Variants in PPP2R5A observed in about 807,000 individuals in gnomAD.
PPP2R5A encodes the protein protein phosphatase 2 regulatory subunit B'alpha.
In PPP2R5A, 25 loss-of-function variants were observed where a neutral mutation model predicts 64.2. The ratio of observed to expected loss-of-function variants is 0.39; its 90% CI spans 0.28 to 0.54. The LOEUF is 0.54. Ranked by LOEUF, PPP2R5A falls within the 20% of genes least tolerant of loss-of-function variation. PPP2R5A has a pLI of 0.67. For synonymous variants in PPP2R5A, 198 were observed against 201.2 expected, an observed-to-expected ratio of 0.98 and a Z score of 0.13; for missense variants, 425 against 576.3, an observed-to-expected ratio of 0.74 and a Z score of 2.69.
At chr1:212,325,173 G>A (rs2102430316) in intron 1 of PPP2R5A, among the ~76,000 whole-genome samples, 2 of 152,268 alleles carry the variant, frequency 1.3e-5, no homozygotes, top group African/African-American at 4.8e-5. Context: ...GGTGGTTGAT[G>A]AAAGAAACAT....
chr1:212,345,990 T>G (rs1214999493), intron 5 of PPP2R5A, 57 bp downstream of exon 5: 1 of 1,482,728 alleles, frequency 6.7e-7, no homozygotes, highest in Non-Finnish European at 9.1e-7. Context: ...CTTCTTGTAT[T>G]CAAGTTCTTT....
intron 6 of PPP2R5A, 45 bp from the exon 7 acceptor site, chr1:212,348,344 A>T: frequency 8.0e-7 from 1 of 1,245,266 alleles, no homozygotes; most frequent in Non-Finnish European, 1.2e-6. Context: ...TTTAGAAACA[A>T]AGTAGTAACT....
chr1:212,295,076 G>A (rs1178734888), intron 1 of PPP2R5A, among the ~76,000 whole-genome samples: 2 of 152,090 alleles, frequency 1.3e-5, no homozygotes, highest in Admixed American at 1.3e-4. Flanking sequence ...CAGCATTTAG[G>A]GTCTAGTGCG....
In PPP2R5A at chr1:212,357,526, G is replaced by A. The variant is rs369564644; in HGVS notation, c.1226+242G>A. 10 of 257,676 alleles carry A rather than the reference G, an allele frequency of 3.9e-5. 1 individual carries two copies. In the South Asian group the frequency reaches 9.3e-4, roughly 24 times the overall value. 16.0% of individuals were successfully genotyped at this position (257,676 alleles called of 1,614,324 possible). A position where few individuals can be genotyped will look rare whatever the true frequency, so the allele number is the denominator to read the frequency against. On this transcript the variant is annotated intron_variant, in intron 11 of 12. Transcript: ENST00000261461. ...TTTTAAAATTTTTTTAGAGACAGCC[G>A]GGCGCGGTGGCTCACGCCTGTAATC...
intron 1 of PPP2R5A, among the ~76,000 whole-genome samples, chr1:212,291,641 C>T (rs958759041): frequency 4.6e-5 from 7 of 152,192 alleles, no homozygotes; most frequent in African/African-American, 1.7e-4. Context: ...ATTAACATTT[C>T]CTGCCCTGGC....
At chr1:212,290,182 G>C (rs1273562425) in intron 1 of PPP2R5A, among the ~76,000 whole-genome samples, 1 of 152,160 alleles carries the variant, frequency 6.6e-6, no homozygotes, top group Non-Finnish European at 1.5e-5. Flanking sequence ...CAGTAATAGT[G>C]GTGTTGATTG....
At chr1:212,351,952 ATT>A (rs898548766) in intron 8 of PPP2R5A, among the ~76,000 whole-genome samples, 14 of 147,816 alleles carry the variant, frequency 9.5e-5, no homozygotes, top group Admixed American at 9.4e-4. Flanking sequence ...CCCCAAAATA[ATT>A]TTTTTATTTT....
intron 2 of PPP2R5A, among the ~76,000 whole-genome samples, chr1:212,331,945 G>T (rs999052197): frequency 6.6e-6 from 1 of 152,138 alleles, no homozygotes; most frequent in Non-Finnish European, 1.5e-5. Flanking sequence ...TACCAATTTA[G>T]ACTCTTGAAG....
At chr1:212,311,622 C>G (rs1659035914) in intron 1 of PPP2R5A, among the ~76,000 whole-genome samples, 1 of 151,896 alleles carries the variant, frequency 6.6e-6, no homozygotes, top group African/African-American at 2.4e-5. Flanking sequence ...AGCTGTAAAG[C>G]AGCCTCAGGC....
chr1:212,351,801 A>G (rs1437998110), intron 8 of PPP2R5A, among the ~76,000 whole-genome samples: 4 of 152,140 alleles, frequency 2.6e-5, no homozygotes, highest in African/African-American at 7.2e-5. Flanking sequence ...TAAAGAGGAA[A>G]AAAATGAAGA....
intron 1 of PPP2R5A, among the ~76,000 whole-genome samples, chr1:212,307,678 C>T (rs1311011233): frequency 6.6e-6 from 1 of 152,080 alleles, no homozygotes; most frequent in Non-Finnish European, 1.5e-5. Flanking sequence ...ACATAATTAT[C>T]TTTACTGGTG....
chr1:212,329,435 T>C (rs1452729892), intron 2 of PPP2R5A, 104 bp downstream of exon 2: 4 of 1,012,288 alleles, frequency 4.0e-6, no homozygotes, highest in Non-Finnish European at 4.1e-6. Context: ...AATTAATACA[T>C]CCCCCAAATT....
At chr1:212,287,882 T>C (rs1200573611) in intron 1 of PPP2R5A, among the ~76,000 whole-genome samples, 1 of 152,182 alleles carries the variant, frequency 6.6e-6, no homozygotes. Flanking sequence ...TTCATAGTTA[T>C]TTAATTTGCT....
intron 8 of PPP2R5A, 104 bp from the exon 9 acceptor site, chr1:212,356,518 TATTG>T: frequency 1.6e-5 from 16 of 1,014,884 alleles, no homozygotes; most frequent in Non-Finnish European, 2.3e-5. Context: ...TATTAAGCAA[TATTG>T]ATTTACTTCA....
At chr1:212,348,583 C>A in intron 7 of PPP2R5A, 86 bp downstream of exon 7, 1 of 984,886 alleles carries the variant, frequency 1.0e-6, no homozygotes, top group Non-Finnish European at 1.5e-6. Context: ...ACTGAGATGA[C>A]AGTTTTAAGT....
intron 1 of PPP2R5A, among the ~76,000 whole-genome samples, chr1:212,321,105 G>C (rs1404670215): frequency 1.5e-5 from 2 of 134,018 alleles, no homozygotes; most frequent in African/African-American, 2.9e-5. Context: ...GCGGCTGGCC[G>C]GGCAGAGGGG....
In PPP2R5A at chr1:212,360,764, C is replaced by G; in HGVS notation, c.1455C>G (p.Ala485=). The part of the protein sequence containing the change: ...NMHSILSNTS[A]E The stretch of plus-strand genomic sequence containing the variant: ...ACAGTATTCTCAGCAATACAAGTGC[C>G]GAATAAAAAAAAAGCCTCCCACCTC... Residue 485 remains alanine (A), a synonymous_variant, in exon 13 of 13, where the codon GCC becomes GCG. Transcript: ENST00000261461. 1 of 1,500,118 alleles carries G rather than the reference C, an allele frequency of 6.7e-7. No homozygotes were observed. The highest frequency in any genetic ancestry group is 8.8e-7 in the Non-Finnish European group (1 of 1,130,256). 92.9% of individuals were successfully genotyped at this position (1,500,118 alleles called of 1,614,324 possible).
intron 1 of PPP2R5A, among the ~76,000 whole-genome samples, chr1:212,320,363 C>A (rs907766924): frequency 2.3e-4 from 35 of 152,182 alleles, no homozygotes. Flanking sequence ...ACAGACATGG[C>A]AACCATCCGA....
At position 212,360,647 on chromosome 1, in the gene PPP2R5A, G is replaced by A. The variant is rs756119294; in HGVS notation, c.1338G>A (p.Lys446=). The A allele has an allele frequency of 6.4e-7, 1 of 1,564,688 alleles. No homozygotes were observed. The part of the protein sequence containing the change: ...SYKAERQREK[K]KELEREELWK... The stretch of plus-strand genomic sequence containing the variant: ...TTTGGTTTATCTACAGAGAGAAAAA[G>A]AAGGAATTGGAACGTGAAGAATTAT... Residue 446 remains lysine (K), a synonymous_variant, in exon 13 of 13, where the codon AAG becomes AAA. Transcript: ENST00000261461.
Sources: gnomAD v4.1 joint callset for allele counts (sites outside exome capture counted in the v4.1 genomes callset) on GRCh38, gnomAD v4.1.1 for gene constraint, MANE v1.5 for transcripts, NCBI Gene and HGNC (gene_info 2026-07-23, HGNC 2026-07-21) for gene names.